SLC37A2: variants seen among roughly 807,000 people sequenced by gnomAD.
The protein encoded by SLC37A2 is solute carrier family 37 member 2.
A neutral mutation model predicts 70.7 loss-of-function variants in SLC37A2; 59 were observed. The observed-to-expected ratio is 0.83, with a 90% confidence interval of 0.68 to 1.04. The LOEUF (loss-of-function observed/expected upper bound fraction) is 1.04, where lower values mean the gene tolerates loss of function less well. Among genes scored for constraint, SLC37A2 ranks in the 50% least tolerant of loss-of-function variants. The pLI is 0.00. For missense variants in SLC37A2, 580 were observed against 658.1 expected (o/e 0.88, Z 1.30); for synonymous variants, 257 against 262.1 (o/e 0.98, Z 0.19).
At position 125,079,114 on chromosome 11, in the gene SLC37A2, G is replaced by T. The variant is rs553564356; in HGVS notation, c.317G>T (p.Gly106Val). 2.5e-6 allele frequency: 4 copies of T among 1,614,196 alleles called. No homozygotes were observed. In the South Asian group the frequency reaches 3.3e-5, roughly 13 times the overall value. Residue 106 changes from glycine (G) to valine (V), a missense_variant and splice_region_variant, in exon 5 of 18, where the codon GGG (glycine) becomes GTG (valine). Gly to Val is a moderately radical substitution (Grantham distance 109). Transcript: ENST00000403796. ...IAYAIGMFIS[G>V]VFGERLPLRY... ...AGATCCAACTTTCTCTTCCCCAGTG[G>T]GGTTTTTGGGGAGCGGCTTCCGCTC...
At chr11:125,069,478 A>T (rs1949009053) in intron 1 of SLC37A2, among the ~76,000 whole-genome samples, 1 of 152,260 alleles carries the variant, frequency 6.6e-6, no homozygotes, top group African/African-American at 2.4e-5. Flanking sequence ...GTGAAATTAA[A>T]TGAGAAGCTG....
chr11:125,079,053 T>A, intron 4 of SLC37A2, 59 bp from the exon 5 acceptor site: 1 of 1,608,272 alleles, frequency 6.2e-7, no homozygotes, highest in South Asian at 1.1e-5. Flanking sequence ...AGAAACATGG[T>A]AGGGAGTTGA....
intron 8 of SLC37A2, 48 bp from the exon 9 acceptor site, chr11:125,081,706 A>T: frequency 6.6e-7 from 1 of 1,520,486 alleles, no homozygotes; most frequent in Non-Finnish European, 8.8e-7. Context: ...AGCTGGTGGG[A>T]GGCAGCACAT....
At chr11:125,085,714 C>T in intron 16 of SLC37A2, 40 bp downstream of exon 16, 1 of 1,594,066 alleles carries the variant, frequency 6.3e-7, no homozygotes, top group East Asian at 2.2e-5. Flanking sequence ...TTGAGGGATG[C>T]TCTGTCCTGC....
Position 125,088,267 on chromosome 11 carries a change from G to A in SLC37A2, c.*133G>A. ...ATTGAACATTAGCCAGCCCAGCCCAGACCCCAGGGCTGCCTAAGGACACAG... is the reference window on the plus strand; with the variant it reads ...ATTGAACATTAGCCAGCCCAGCCCAAACCCCAGGGCTGCCTAAGGACACAG... On this transcript the variant is annotated 3_prime_UTR_variant, in exon 18 of 18. Coordinates refer to ENST00000403796, the MANE Select transcript of SLC37A2 (RefSeq NM_001145290.2). 1.9e-6 allele frequency: 2 copies of A among 1,036,102 alleles called. No individual in the cohort carries two copies. Among genetic ancestry groups the A allele is most frequent in the Non-Finnish European group, 2.9e-6 (2 of 695,260 alleles). 64.2% of individuals were successfully genotyped at this position (1,036,102 alleles called of 1,614,324 possible).
In SLC37A2 at chr11:125,077,506, T is replaced by G; in HGVS notation, c.292T>G (p.Tyr98Asp). 1 of 1,613,818 alleles carries G rather than the reference T, an allele frequency of 6.2e-7. No homozygotes were observed. The highest frequency in any genetic ancestry group is 8.5e-7 in the Non-Finnish European group (1 of 1,179,822). Residue 98 changes from tyrosine to aspartate, a missense_variant, in exon 4 of 18, where the codon TAT becomes GAT. Transcript: ENST00000403796. ...CGTGGACAACGCCTTCCTCATCGCC[T>G]ATGCCATCGGCATGTTCATCAGGTA... ...GGVDNAFLIA[Y>D]AIGMFISGVF...
At chr11:125,086,492 A>G in intron 17 of SLC37A2, 1 of 540,230 alleles carries the variant, frequency 1.9e-6, no homozygotes, top group Non-Finnish European at 3.3e-6. Flanking sequence ...AACTTTGGAC[A>G]TGCCCTCGGG....
Position 125,075,071 on chromosome 11 carries a change from C to T in SLC37A2, c.60-1686C>T, listed in dbSNP as rs548349511. ...GTGTAACTGATGAGGAAACCAGAGG[C>T]AAAAAAAAGGCTTAGGGATTCACGG... On this transcript the variant is annotated intron_variant, in intron 1 of 17. Transcript: ENST00000403796. Among the ~76,000 whole-genome samples the T allele has an allele frequency of 3.8e-4, 57 of 151,166 alleles. 1 individual carries two copies. Among genetic ancestry groups the T allele is most frequent in the Admixed American group, 1.4e-3 (21 of 15,210 alleles).
At position 125,076,879 on chromosome 11, in the gene SLC37A2, T is replaced by C. The variant is rs766389142; in HGVS notation, c.141+41T>C. ...AGCAAGGAAGAGTGCAGAAGCACAC[T>C]GTCGTAACCGTCCTTACCCCTTCCC... On this transcript the variant is annotated intron_variant, in intron 2 of 17. Coordinates refer to ENST00000403796, the MANE Select transcript of SLC37A2 (RefSeq NM_001145290.2). 8 of 1,600,718 alleles carry C rather than the reference T, an allele frequency of 5.0e-6. No homozygotes were observed. In the African/African-American group the frequency reaches 1.1e-4, roughly 21 times the overall value.
chr11:125,074,014 A>T (rs1949055774), intron 1 of SLC37A2, among the ~76,000 whole-genome samples: 1 of 152,114 alleles, frequency 6.6e-6, no homozygotes, highest in Non-Finnish European at 1.5e-5. Flanking sequence ...GCGCCACGCC[A>T]CCTGAGGCCC....
chr11:125,073,965 G>A (rs1949055141), intron 1 of SLC37A2, among the ~76,000 whole-genome samples: 1 of 152,224 alleles, frequency 6.6e-6, no homozygotes, highest in Admixed American at 6.5e-5. Flanking sequence ...ATCACCTTCA[G>A]AGATAGCCTA....
chr11:125,085,309 C>T, intron 14 of SLC37A2, 86 bp from the exon 15 acceptor site: 2 of 1,413,360 alleles, frequency 1.4e-6, no homozygotes, highest in Admixed American at 1.8e-5. Flanking sequence ...CCAGTTACCA[C>T]CTTCCCTGAG....
In SLC37A2 at chr11:125,085,121, T is replaced by G; in HGVS notation, c.1230T>G (p.Thr410=). 6.2e-7 allele frequency: 1 copy of G among 1,613,956 alleles called. No homozygotes were observed. The highest frequency in any genetic ancestry group is 8.5e-7 in the Non-Finnish European group (1 of 1,179,910). Residue 410 remains threonine (T), a synonymous_variant, in exon 14 of 18, where the codon ACT becomes ACG. Transcript: ENST00000403796. ...LVNGPYALIT[T]AVSADLGTHK... is the part of the protein sequence containing the mutation. ...ATGGCCCATACGCGCTCATCACCAC[T>G]GCTGTCTCTGCTGATCTGGTGAGTG...
intron 1 of SLC37A2, among the ~76,000 whole-genome samples, chr11:125,067,243 C>T (rs1948990611): frequency 6.6e-6 from 1 of 152,172 alleles, no homozygotes; most frequent in African/African-American, 2.4e-5. Flanking sequence ...CCTCCCACCT[C>T]ATCCTCCCAA....
chr11:125,079,201 G>T lies in SLC37A2; in HGVS notation c.404G>T (p.Gly135Val), dbSNP rs758598150. Residue 135 changes from glycine to valine, a missense_variant, in exon 5 of 18, where the codon GGA (glycine) becomes GTA (valine). Transcript: ENST00000403796. ...CTTTTCACCTCGCTCTTTGGCCTGGGATATTTCTGGAACATCCACGAGCTC... is the reference window on the plus strand; with the variant it reads ...CTTTTCACCTCGCTCTTTGGCCTGGTATATTTCTGGAACATCCACGAGCTC... ...SGLFTSLFGLGYFWNIHELWY... is the reference protein window; with the variant it reads ...SGLFTSLFGLVYFWNIHELWY... 6 of 1,614,166 alleles carry T rather than the reference G, an allele frequency of 3.7e-6. No homozygotes were observed. The highest frequency in any genetic ancestry group is 5.1e-6 in the Non-Finnish European group (6 of 1,180,010).
In SLC37A2 at chr11:125,076,773, C is replaced by T. The variant is rs1408513910; in HGVS notation, c.76C>T (p.Leu26=). 2 of 1,614,100 alleles carry T rather than the reference C, an allele frequency of 1.2e-6. No individual in the cohort carries two copies. The highest frequency in any genetic ancestry group is 1.7e-6 in the Non-Finnish European group (2 of 1,180,036). The change falls in exon 2 of 18, where the codon CTG becomes TTG. Residue 26 remains leucine (L), a synonymous_variant. Coordinates refer to ENST00000403796, the MANE Select transcript of SLC37A2 (RefSeq NM_001145290.2). ...TTCCTGCAGGTTCCGAGGCCTCATC[C>T]TGCTGCTGACCTTCCTAATTTACGC... ...SRDSWFRGLI[L]LLTFLIYACY...
chr11:125,079,187 G>C lies in SLC37A2; in HGVS notation c.390G>C (p.Ser130=). The C allele has an allele frequency of 6.2e-7, 1 of 1,614,180 alleles. No homozygotes were observed. The highest frequency in any genetic ancestry group is 8.5e-7 in the Non-Finnish European group (1 of 1,180,030). ...TGCTGCTCAGTGGCCTTTTCACCTC[G>C]CTCTTTGGCCTGGGATATTTCTGGA... ...AGMLLSGLFT[S]LFGLGYFWNI... The change falls in exon 5 of 18, where the codon TCG becomes TCC. Residue 130 remains serine, a synonymous_variant. Coordinates refer to ENST00000403796, the MANE Select transcript of SLC37A2 (RefSeq NM_001145290.2).
At chr11:125,066,337 G>T (rs1389676863) in intron 1 of SLC37A2, among the ~76,000 whole-genome samples, 1 of 152,196 alleles carries the variant, frequency 6.6e-6, no homozygotes, top group Admixed American at 6.5e-5. Context: ...AATAGTGTGG[G>T]ACTGTAGTGC....
rs530612406 is a variant in SLC37A2, at chr11:125,064,599, C to A, written c.59+1173C>A. 1.9e-4 allele frequency among the ~76,000 whole-genome samples: 29 copies of A among 152,286 alleles called. No homozygotes were observed. The South Asian group carries it at 5.0e-3, about 26-fold the overall frequency. ...TGTTGAGAGCTCTCATCAATTCTAA[C>A]CTTCTTCACTCGTTTAGATTATTTA... On this transcript the variant is annotated intron_variant, in intron 1 of 17. Coordinates refer to ENST00000403796, the MANE Select transcript of SLC37A2 (RefSeq NM_001145290.2).
Sources: allele counts gnomAD v4.1 joint callset (sites outside exome capture counted in the v4.1 genomes callset), GRCh38; gene constraint gnomAD v4.1.1; transcripts MANE v1.5; gene names NCBI Gene and HGNC (gene_info 2026-07-23, HGNC 2026-07-21).